SPATS2: variants seen among roughly 807,000 people sequenced by gnomAD.
SPATS2 encodes the protein spermatogenesis-associated serine-rich protein 2.
SPATS2 carries 38 observed loss-of-function variants against 63.7 expected under a neutral mutation model. The ratio of observed to expected loss-of-function variants is 0.60; its 90% CI spans 0.46 to 0.78. The LOEUF (loss-of-function observed/expected upper bound fraction) is 0.78. Ranked by LOEUF, SPATS2 falls within the 30% of genes least tolerant of loss-of-function variation. SPATS2 has a pLI of 0.00. For synonymous variants in SPATS2, 207 were observed against 232.9 expected, an observed-to-expected ratio of 0.89 and a Z score of 1.01; for missense variants, 588 against 666.2, an observed-to-expected ratio of 0.88 and a Z score of 1.29.
At chr12:49,444,495 A>G (rs1200558225) in intron 2 of SPATS2, among the ~76,000 whole-genome samples, 1 of 152,202 alleles carries the variant, frequency 6.6e-6, no homozygotes, top group East Asian at 1.9e-4. Flanking sequence ...CTTGGATTAT[A>G]GGTGTGAGCC....
chr12:49,423,527 C>T (rs1945020704), intron 2 of SPATS2, among the ~76,000 whole-genome samples: 1 of 152,170 alleles, frequency 6.6e-6, no homozygotes, highest in Non-Finnish European at 1.5e-5. Context: ...CATATTGAAG[C>T]CTCCTTGCAT....
rs560826197 is a variant in SPATS2 at position 49,381,694 on chromosome 12, G to C, written c.-244+10404G>C. Among the ~76,000 whole-genome samples the C allele has an allele frequency of 2.2e-4, 34 of 152,304 alleles. No homozygotes were observed. The South Asian group carries it at 7.0e-3, about 32-fold the overall frequency. ...TGAGAATTTTTTGAAACCTGGGTCA[G>C]AGAAGCCTACTTTTTATATTTAATA... On this transcript the variant is annotated intron_variant, in intron 2 of 13. Transcript: ENST00000552918.
At chr12:49,461,654 C>T (rs1945824470) in intron 3 of SPATS2, among the ~76,000 whole-genome samples, 1 of 152,166 alleles carries the variant, frequency 6.6e-6, no homozygotes, top group Non-Finnish European at 1.5e-5. Context: ...GATATCTTGG[C>T]GTTTTCCCCT....
chr12:49,390,036 C>A (rs1471345240), intron 2 of SPATS2: 1 of 967,266 alleles, frequency 1.0e-6, no homozygotes, highest in Non-Finnish European at 1.7e-6. Context: ...AACAAGAAAA[C>A]AAAGGCGTTA....
At chr12:49,410,340 C>CA (rs1944776105) in intron 2 of SPATS2, among the ~76,000 whole-genome samples, 1 of 152,038 alleles carries the variant, frequency 6.6e-6, no homozygotes, top group South Asian at 2.1e-4. Flanking sequence ...CCTCCCAAAG[C>CA]ACTGGTATTA....
chr12:49,389,223 G>A lies in SPATS2; in HGVS notation c.-244+17933G>A, dbSNP rs546577713. ...CGCAAAGCTTCAAGTGTTCGGCCCT[G>A]CCCCACCGTAACGCGAGGAAGGAAA... is the stretch of plus-strand genomic sequence containing the variant. On this transcript the variant is annotated intron_variant, in intron 2 of 13. Transcript: ENST00000552918. Among the ~76,000 whole-genome samples, 5 of 152,246 alleles carry A rather than the reference G, an allele frequency of 3.3e-5. No individual in the cohort carries two copies. In the East Asian group the frequency reaches 7.7e-4, roughly 24 times the overall value.
intron 6 of SPATS2, among the ~76,000 whole-genome samples, chr12:49,494,160 A>G (rs560246013): frequency 5.9e-5 from 9 of 152,202 alleles, no homozygotes; most frequent in Non-Finnish European, 1.2e-4. Context: ...GCATTACTAG[A>G]TTGTCATGGA....
intron 2 of SPATS2, among the ~76,000 whole-genome samples, chr12:49,448,735 G>C (rs57346416): frequency 1.4e-5 from 2 of 138,362 alleles, no homozygotes; most frequent in African/African-American, 2.7e-5. Context: ...AAAAAAAAAA[G>C]CATGTTCTTT....
chr12:49,452,105 A>C lies in SPATS2; in HGVS notation c.-243-8665A>C, dbSNP rs569106744. The stretch of plus-strand genomic sequence containing the variant: ...ATGTGGATCTCTTTGTGTGTATTGC[A>C]GCTATAATTCATTGAGCTTCCTGAC... On this transcript the variant is annotated intron_variant, in intron 2 of 13. Coordinates refer to ENST00000552918, the MANE Select transcript of SPATS2 (RefSeq NM_023071.4). 2.0e-5 allele frequency among the ~76,000 whole-genome samples: 3 copies of C among 152,220 alleles called. No individual in the cohort carries two copies. In the South Asian group the frequency reaches 6.2e-4, roughly 32 times the overall value.
chr12:49,471,450 C>T (rs1250633659), intron 3 of SPATS2, among the ~76,000 whole-genome samples: 1 of 152,162 alleles, frequency 6.6e-6, no homozygotes, highest in East Asian at 1.9e-4. Flanking sequence ...GATCATCCTG[C>T]CTTAGCCTCT....
rs201737899 is a variant in SPATS2, at chr12:49,526,014, A to T, written c.1397A>T (p.Asn466Ile). ...PQGQKSNDPM[N>I]QGRHDSMGRY... ...GGCCAAAAGTCCAATGACCCCATGAACCAAGGGCGGCATGACAGTATGGGT... is the reference window on the plus strand; with the variant it reads ...GGCCAAAAGTCCAATGACCCCATGATCCAAGGGCGGCATGACAGTATGGGT... Residue 466 changes from asparagine (N) to isoleucine (I), a missense_variant, in exon 14 of 14, where the codon AAC becomes ATC. Physicochemically the swap from Asn to Ile is moderately radical, Grantham distance 149. Transcript: ENST00000552918. The T allele has an allele frequency of 1.4e-5, 23 of 1,614,138 alleles. No individual in the cohort carries two copies. The highest frequency in any genetic ancestry group is 5.0e-5 in the Admixed American group (3 of 60,018).
At chr12:49,459,981 G>A (rs1186717401) in intron 2 of SPATS2, among the ~76,000 whole-genome samples, 3 of 149,902 alleles carry the variant, frequency 2.0e-5, no homozygotes, top group South Asian at 2.1e-4. Context: ...GGTGGCAGGC[G>A]CCTGTAATCC....
intron 2 of SPATS2, among the ~76,000 whole-genome samples, chr12:49,390,582 G>T (rs7488270): frequency 6.6e-6 from 1 of 152,018 alleles, no homozygotes; most frequent in Non-Finnish European, 1.5e-5. Context: ...CTTATTTGGC[G>T]TTAAAGTTAA....
At chr12:49,495,041 T>G (rs755923313) in intron 7 of SPATS2, 39 bp downstream of exon 7, 3 of 1,498,774 alleles carry the variant, frequency 2.0e-6, no homozygotes, top group African/African-American at 2.8e-5. Flanking sequence ...TTGCATTCAG[T>G]TGAAAAACAG....
intron 2 of SPATS2, among the ~76,000 whole-genome samples, chr12:49,385,604 AGT>A (rs1944300644): frequency 6.6e-6 from 1 of 152,040 alleles, no homozygotes; most frequent in South Asian, 2.1e-4. Context: ...TGGCAGTGGG[AGT>A]TTGTGAAAAT....
chr12:49,448,608 G>A (rs1184176813), intron 2 of SPATS2, among the ~76,000 whole-genome samples: 1 of 151,252 alleles, frequency 6.6e-6, no homozygotes, highest in African/African-American at 2.4e-5. Context: ...GGGTGTGGTG[G>A]TGCCCACCTG....
intron 9 of SPATS2, among the ~76,000 whole-genome samples, chr12:49,510,289 C>T (rs565348886): frequency 6.7e-6 from 1 of 149,020 alleles, no homozygotes; most frequent in Non-Finnish European, 1.5e-5. Flanking sequence ...CGTCCAGGTA[C>T]AGCGGTTCAT....
intron 3 of SPATS2, chr12:49,462,209 A>C: frequency 1.5e-6 from 1 of 672,150 alleles, no homozygotes; most frequent in Non-Finnish European, 2.7e-6. Flanking sequence ...GTGAAGCAGG[A>C]TATTTCCCTG....
At chr12:49,420,079 G>C (rs991682221) in intron 2 of SPATS2, among the ~76,000 whole-genome samples, 1 of 152,154 alleles carries the variant, frequency 6.6e-6, no homozygotes, top group Non-Finnish European at 1.5e-5. Context: ...TTCAACAATG[G>C]CTATGCTTCT....
Sources: allele counts gnomAD v4.1 joint callset (sites outside exome capture counted in the v4.1 genomes callset), GRCh38; gene constraint gnomAD v4.1.1; transcripts MANE v1.5; gene names NCBI Gene and HGNC (gene_info 2026-07-23, HGNC 2026-07-21).